The following SLCO1B3 variants were observed in gnomAD, a reference collection of about 807,000 sequenced individuals.
SLCO1B3 encodes liver-specific organic anion transporter 2.
SLCO1B3 carries 72 observed loss-of-function variants against 71.8 expected under a neutral mutation model. The observed-to-expected ratio is 1.00, with a 90% CI of 0.83 to 1.22. The LOEUF (loss-of-function observed/expected upper bound fraction) is 1.22, where lower values mean the gene tolerates loss of function less well. Ranked by LOEUF, SLCO1B3 falls within the 50% of genes most tolerant of loss-of-function variation. The probability of loss-of-function intolerance (pLI) is 0.00; values close to 1 mark genes in which losing one functional copy is unlikely to be tolerated. For missense variants in SLCO1B3, 911 were observed against 819.7 expected (o/e 1.11, Z -1.36); for synonymous variants, 298 against 278.4 (o/e 1.07, Z -0.70).
At chr12:20,876,243 C>G (rs927398547) in intron 9 of SLCO1B3, among the ~76,000 whole-genome samples, 1 of 152,046 alleles carries the variant, frequency 6.6e-6, no homozygotes, top group Non-Finnish European at 1.5e-5. Context: ...GCCAAATGGG[C>G]TAATGGAGTA....
chr12:20,911,892 T>G (rs1866385127), intron 15 of SLCO1B3, among the ~76,000 whole-genome samples: 1 of 152,202 alleles, frequency 6.6e-6, no homozygotes, highest in Non-Finnish European at 1.5e-5. Context: ...CTTTTGTTTT[T>G]GTTGATTTTC....
At chr12:20,910,798 T>G (rs747247882) in intron 15 of SLCO1B3, among the ~76,000 whole-genome samples, 1 of 152,210 alleles carries the variant, frequency 6.6e-6, no homozygotes, top group Non-Finnish European at 1.5e-5. Context: ...CTTTGGCATA[T>G]TAATCTTATA....
At chr12:20,849,455 T>A (rs1311424295) in intron 3 of SLCO1B3, among the ~76,000 whole-genome samples, 11 of 152,102 alleles carry the variant, frequency 7.2e-5, no homozygotes, top group Non-Finnish European at 1.6e-4. Flanking sequence ...ATATTTGATA[T>A]TGAAAGACTG....
At chr12:20,908,161 T>G (rs1024303428) in intron 15 of SLCO1B3, among the ~76,000 whole-genome samples, 1 of 151,806 alleles carries the variant, frequency 6.6e-6, no homozygotes, top group Non-Finnish European at 1.5e-5. Context: ...AAAGGGCAGT[T>G]CATTTGCCAG....
chr12:20,862,923 T>A, intron 8 of SLCO1B3, 69 bp downstream of exon 8: 1 of 796,630 alleles, frequency 1.3e-6, no homozygotes, highest in Non-Finnish European at 2.1e-6. Context: ...TTCCAAAGAA[T>A]TAAATTCAGT....
chr12:20,866,417 G>A (rs1865374154), intron 8 of SLCO1B3, among the ~76,000 whole-genome samples: 1 of 151,788 alleles, frequency 6.6e-6, no homozygotes, highest in Non-Finnish European at 1.5e-5. Flanking sequence ...CAACTTTTAT[G>A]TAGATGCAAG....
At chr12:20,881,052 C>G (rs756035858) in intron 12 of SLCO1B3, 32 bp downstream of exon 12, 3 of 1,466,452 alleles carry the variant, frequency 2.0e-6, no homozygotes, top group South Asian at 2.6e-5. Flanking sequence ...TTCTCCTCTC[C>G]TTAATCAAAA....
intron 10 of SLCO1B3, among the ~76,000 whole-genome samples, chr12:20,878,612 A>T (rs1865629552): frequency 6.6e-6 from 1 of 152,158 alleles, no homozygotes; most frequent in Admixed American, 6.5e-5. Context: ...TACATAGGAA[A>T]GTAATAATTA....
In SLCO1B3 at chr12:20,877,791, A is replaced by G; in HGVS notation, c.990A>G (p.Lys330=). The G allele has an allele frequency of 2.1e-6, 3 of 1,450,026 alleles. No homozygotes were observed. The highest frequency in any genetic ancestry group is 9.1e-7 in the Non-Finnish European group (1 of 1,094,070). 89.8% of individuals were successfully genotyped at this position (1,450,026 alleles called of 1,614,324 possible). A position where few individuals can be genotyped will look rare whatever the true frequency, so the allele number is the denominator to read the frequency against. Residue 330 remains lysine, a synonymous_variant, in exon 10 of 16, where the codon AAA becomes AAG. Transcript: ENST00000381545. ...KNVTGFFQSL[K]SILTNPLYVI... ...CTATAGGTTTTTTCCAGTCTTTGAA[A>G]AGCATCCTTACCAATCCCCTGTATG...
intron 15 of SLCO1B3, among the ~76,000 whole-genome samples, chr12:20,910,824 A>T (rs1331356930): frequency 6.6e-6 from 1 of 152,202 alleles, no homozygotes; most frequent in African/African-American, 2.4e-5. Flanking sequence ...CAAACTTGTT[A>T]TAACTGCTTA....
At chr12:20,867,892 T>G (rs931963400) in intron 8 of SLCO1B3, among the ~76,000 whole-genome samples, 1 of 152,148 alleles carries the variant, frequency 6.6e-6, no homozygotes, top group Non-Finnish European at 1.5e-5. Flanking sequence ...CCTGTCTTTC[T>G]TTTTACCTCC....
chr12:20,843,415 A>G (rs1864843326), intron 3 of SLCO1B3, among the ~76,000 whole-genome samples: 2 of 152,172 alleles, frequency 1.3e-5, no homozygotes, highest in African/African-American at 2.4e-5. Context: ...GCTCAATAAT[A>G]TATTTCCTTA....
chr12:20,827,225 T>G (rs1458587571), intron 3 of SLCO1B3, among the ~76,000 whole-genome samples: 4 of 152,192 alleles, frequency 2.6e-5, no homozygotes, highest in African/African-American at 9.6e-5. Context: ...AATATTAAAC[T>G]GCTTGATCAA....
At chr12:20,861,833 A>T (rs1248752473) in intron 6 of SLCO1B3, among the ~76,000 whole-genome samples, 1 of 152,146 alleles carries the variant, frequency 6.6e-6, no homozygotes, top group Non-Finnish European at 1.5e-5. Context: ...TACATATTAA[A>T]GAACAAAAAT....
At chr12:20,848,564 C>G (rs1168025355) in intron 3 of SLCO1B3, among the ~76,000 whole-genome samples, 1 of 152,132 alleles carries the variant, frequency 6.6e-6, no homozygotes, top group Admixed American at 6.5e-5. Context: ...TCATGATTGT[C>G]ATGACTTAAA....
At position 20,916,218 on chromosome 12, in the gene SLCO1B3, G is replaced by A; in HGVS notation, c.2080G>A (p.Asp694Asn). Residue 694 changes from aspartate to asparagine, a missense_variant, in exon 16 of 16, where the codon GAC becomes AAC. Coordinates refer to ENST00000381545, the MANE Select transcript of SLCO1B3 (RefSeq NM_019844.4). ...AGTDSKTCNL[D>N]MQDNAAAN is the part of the protein sequence containing the mutation. ...AACAGATAGTAAAACATGTAATTTG[G>A]ACATGCAAGACAATGCTGCTGCCAA... The A allele has an allele frequency of 6.2e-7, 1 of 1,612,962 alleles. No homozygotes were observed. The highest frequency in any genetic ancestry group is 8.5e-7 in the Non-Finnish European group (1 of 1,179,202).
chr12:20,909,681 G>T (rs1387562370), intron 15 of SLCO1B3, among the ~76,000 whole-genome samples: 6 of 151,922 alleles, frequency 3.9e-5, no homozygotes, highest in Non-Finnish European at 5.9e-5. Flanking sequence ...CCTTTTGACA[G>T]TGTCTCTTAC....
At chr12:20,903,178 T>C (rs1355034359) in intron 15 of SLCO1B3, among the ~76,000 whole-genome samples, 1 of 152,120 alleles carries the variant, frequency 6.6e-6, no homozygotes, top group African/African-American at 2.4e-5. Flanking sequence ...ACTGGAGTGT[T>C]GGAAGACAGA....
At chr12:20,879,746 G>T in intron 11 of SLCO1B3, 115 bp downstream of exon 11, 1 of 729,000 alleles carries the variant, frequency 1.4e-6, no homozygotes, top group Admixed American at 3.8e-5. Flanking sequence ...TTAATTGAGA[G>T]AAATTTCAAT....
Sources: gnomAD v4.1 joint callset for allele counts (sites outside exome capture counted in the v4.1 genomes callset) on GRCh38, gnomAD v4.1.1 for gene constraint, MANE v1.5 for transcripts, NCBI Gene and HGNC (gene_info 2026-07-23, HGNC 2026-07-21) for gene names.